Variants in MYO7B observed in about 807,000 individuals in gnomAD.
MYO7B encodes the protein unconventional myosin-VIIb.
Under a neutral mutation model 259.7 loss-of-function variants are expected in MYO7B, and 212 were observed. The ratio of observed to expected loss-of-function variants is 0.82; its 90% CI spans 0.73 to 0.91. The LOEUF (loss-of-function observed/expected upper bound fraction) is 0.91, where lower values mean the gene tolerates loss of function less well. MYO7B is among the 40% of genes least tolerant of loss of function. The pLI, the probability that MYO7B is intolerant of heterozygous loss-of-function variation, is 0.00. For synonymous variants in MYO7B, 1,197 were observed against 1,166.4 expected (o/e 1.03, Z -0.54); for missense variants, 2,732 against 2,813.5 (o/e 0.97, Z 0.66).
chr2:127,564,263 C>A lies in MYO7B; in HGVS notation c.129C>A (p.Gly43=), dbSNP rs1438788032. 1 of 1,566,412 alleles carries A rather than the reference C, an allele frequency of 6.4e-7. No individual in the cohort carries two copies. The highest frequency in any genetic ancestry group is 8.7e-7 in the Non-Finnish European group (1 of 1,155,246). ...PGKVLVEDDE[G]KEHWIRAEDF... is the part of the protein sequence containing the mutation. ...AAGTCTTGGTTGAAGATGACGAGGG[C>A]AAGGTCAGTGTTCTGGGGTTTCCTC... Residue 43 remains glycine, a synonymous_variant, in exon 3 of 48, where the codon GGC becomes GGA. Coordinates refer to ENST00000409816, the MANE Select transcript of MYO7B (RefSeq NM_001393586.1).
Position 127,577,581 on chromosome 2 carries a change from C to T in MYO7B, c.850-552C>T, listed in dbSNP as rs1352846178. Reference sequence around the variant, plus strand: ...CAGCCCTGTCCCTGCCTCCCCACCTCGTGGCCTTGCTCCCATCATCCTCTG... The same window carrying T: ...CAGCCCTGTCCCTGCCTCCCCACCTTGTGGCCTTGCTCCCATCATCCTCTG... On this transcript the variant is annotated intron_variant, in intron 8 of 47. Coordinates refer to ENST00000409816, the MANE Select transcript of MYO7B (RefSeq NM_001393586.1). The surrounding 1 kb of genome is among the most constrained non-coding windows in gnomAD (Gnocchi z 5.2). Among the ~76,000 whole-genome samples, 5 of 152,150 alleles carry T rather than the reference C, an allele frequency of 3.3e-5. No homozygotes were observed. The highest frequency in any genetic ancestry group is 9.7e-5 in the African/African-American group (4 of 41,428).
At chr2:127,557,334 G>C (rs1044464627) in intron 1 of MYO7B, among the ~76,000 whole-genome samples, 4 of 151,764 alleles carry the variant, frequency 2.6e-5, no homozygotes, top group Non-Finnish European at 5.9e-5. Context: ...TCTTAAATTG[G>C]ACTTTACGTT....
intron 19 of MYO7B, among the ~76,000 whole-genome samples, chr2:127,599,370 T>C (rs1030773636): frequency 5.9e-5 from 9 of 152,258 alleles, no homozygotes; most frequent in Non-Finnish European, 8.8e-5. Context: ...AGAAATATGT[T>C]GGATTTTTGT....
Position 127,620,421 on chromosome 2 carries a change from C to T in MYO7B, c.3480C>T (p.Leu1160=). 1 of 1,610,324 alleles carries T rather than the reference C, an allele frequency of 6.2e-7. No homozygotes were observed. Residue 1160 remains leucine, a synonymous_variant, in exon 27 of 48, where the codon CTC becomes CTT. Coordinates refer to ENST00000409816, the MANE Select transcript of MYO7B (RefSeq NM_001393586.1). ...GCCTGGCCCGGGGCTGGATCCTGCT[C>T]AGCCTCTGCCTCGGCTGCTTCCCAC... ...TSSLARGWIL[L]SLCLGCFPPS...
Position 127,571,442 on chromosome 2 carries a change from G to GTTTTTTTTTTTTTTT in MYO7B, c.592+1535_592+1549dup. ...AATTGGTCTATTTCCTTACCAGTGA[G>GTTTTTTTTTTTTTTT]TTTTTTTTTTTTTTTTTGCTTGTTT... On this transcript the variant is annotated intron_variant, in intron 6 of 47. Coordinates refer to ENST00000409816, the MANE Select transcript of MYO7B (RefSeq NM_001393586.1). Among the ~76,000 whole-genome samples the GTTTTTTTTTTTTTTT allele has an allele frequency of 1.4e-3, 60 of 41,910 alleles. 3 individuals carry two copies. The highest frequency in any genetic ancestry group is 9.0e-3 in the East Asian group (6 of 666). 27.5% of individuals were successfully genotyped at this position (41,910 alleles called of 152,430 possible).
chr2:127,592,959 C>T lies in MYO7B; in HGVS notation c.2145+13C>T, dbSNP rs375975547. ...CATGCGGATGCAGGTCAGCGCCCCTCGGGGACGGTCACCTCTGGCCATCCG... is the reference window on the plus strand; with the variant it reads ...CATGCGGATGCAGGTCAGCGCCCCTTGGGGACGGTCACCTCTGGCCATCCG... On this transcript the variant is annotated intron_variant, in intron 17 of 47. Transcript: ENST00000409816. 3 of 1,574,130 alleles carry T rather than the reference C, an allele frequency of 1.9e-6. No homozygotes were observed. Among genetic ancestry groups the T allele is most frequent in the East Asian group, 2.4e-5 (1 of 42,278 alleles).
chr2:127,623,633 C>T (rs914241461), intron 29 of MYO7B, among the ~76,000 whole-genome samples: 3 of 152,196 alleles, frequency 2.0e-5, no homozygotes, highest in African/African-American at 7.2e-5. Flanking sequence ...CACCTGGTCC[C>T]CCACCCAGCA....
Position 127,635,712 on chromosome 2 carries a change from C to T in MYO7B, c.5821-10C>T. 6.3e-7 allele frequency: 1 copy of T among 1,595,320 alleles called. No individual in the cohort carries two copies. The stretch of plus-strand genomic sequence containing the variant: ...GGAGACCCAGCATGCCCAGTGTGTC[C>T]ATCACCCAGGAGCTGCCCAAGTACC... On this transcript the variant is annotated splice_polypyrimidine_tract_variant and intron_variant, in intron 43 of 47. Coordinates refer to ENST00000409816, the MANE Select transcript of MYO7B (RefSeq NM_001393586.1).
Position 127,607,726 on chromosome 2 carries a change from C to T in MYO7B, c.2643+302C>T, listed in dbSNP as rs999717168. ...AATGGCTCTGCAATGGCTGGGGAGC[C>T]GTGGCCACCACCCAGGAGCACGCAG... On this transcript the variant is annotated intron_variant, in intron 21 of 47. Coordinates refer to ENST00000409816, the MANE Select transcript of MYO7B (RefSeq NM_001393586.1). This position sits in a 1 kb window ranked among gnomAD's most constrained non-coding sequence, Gnocchi z 4.4. Among the ~76,000 whole-genome samples, 6 of 152,154 alleles carry T rather than the reference C, an allele frequency of 3.9e-5. No homozygotes were observed. The highest frequency in any genetic ancestry group is 4.1e-4 in the South Asian group (2 of 4,830).
chr2:127,628,200 C>A lies in MYO7B; in HGVS notation c.4461-172C>A. On this transcript the variant is annotated intron_variant, in intron 33 of 47. Transcript: ENST00000409816. The surrounding 1 kb of genome is among the most constrained non-coding windows in gnomAD (Gnocchi z 4.8). The stretch of plus-strand genomic sequence containing the variant: ...TCCGAGAGGTCCTGTGCTCCGCCGT[C>A]CTTCATTTGTCCAGACCCACAGTGG... The A allele has an allele frequency of 1.2e-6, 1 of 801,900 alleles. No homozygotes were observed. Among genetic ancestry groups the A allele is most frequent in the Non-Finnish European group, 2.1e-6 (1 of 477,810 alleles). The allele number at this position is 801,900 out of a possible 1,614,324, so 49.7% of individuals were successfully genotyped here.
In MYO7B at chr2:127,620,217, G is replaced by A. The variant is rs922120679; in HGVS notation, c.3399-123G>A. ...GGAGGAGGCTGGGCAGGGCCCCGGC[G>A]CTGGAGAGGTGCCCTGCATATGGGA... On this transcript the variant is annotated intron_variant, in intron 26 of 47. Transcript: ENST00000409816. 4.5e-5 allele frequency: 52 copies of A among 1,166,042 alleles called. No homozygotes were observed. The Middle Eastern group carries it at 9.6e-4, about 22-fold the overall frequency. The allele number at this position is 1,166,042 out of a possible 1,614,324, so 72.2% of individuals were successfully genotyped here.
chr2:127,609,608 T>A lies in MYO7B; in HGVS notation c.2917T>A (p.Phe973Ile). Residue 973 changes from phenylalanine to isoleucine, a missense_variant, in exon 23 of 48, where the codon TTC (phenylalanine) becomes ATC (isoleucine). Physicochemically the swap from Phe to Ile is conservative, Grantham distance 21 (BLOSUM62 0). Transcript: ENST00000409816. This position sits in a 1 kb window ranked among gnomAD's most constrained non-coding sequence, Gnocchi z 6.9. ...TGTGGATGGCCTGGCCGAGTACACC[T>A]TCCCCAAGTTTGCTGTGACTTACTT... ...EDVDGLAEYT[F>I]PKFAVTYFQK... is the part of the protein sequence containing the mutation. The A allele has an allele frequency of 6.2e-7, 1 of 1,614,014 alleles. No homozygotes were observed. Among genetic ancestry groups the A allele is most frequent in the East Asian group, 2.2e-5 (1 of 44,882 alleles).
chr2:127,588,290 C>T (rs1679380831), intron 14 of MYO7B, 102 bp from the exon 15 acceptor site: 5 of 1,347,548 alleles, frequency 3.7e-6, no homozygotes, highest in Non-Finnish European at 5.1e-6. Context: ...TAGGAGGGGG[C>T]TCCTCCACGC....
At chr2:127,562,265 G>A (rs1678119790) in intron 2 of MYO7B, among the ~76,000 whole-genome samples, 1 of 151,982 alleles carries the variant, frequency 6.6e-6, no homozygotes. Context: ...ATCTTCTATA[G>A]CGATCTTCTT....
intron 5 of MYO7B, 104 bp from the exon 6 acceptor site, chr2:127,569,685 T>C: frequency 7.0e-7 from 1 of 1,423,776 alleles, no homozygotes; most frequent in East Asian, 2.4e-5. Context: ...GCCATCCCTG[T>C]CAGACTGGCT....
At chr2:127,624,389 C>A in intron 30 of MYO7B, 69 bp downstream of exon 30, 2 of 1,422,132 alleles carry the variant, frequency 1.4e-6, no homozygotes, top group Non-Finnish European at 1.9e-6. Context: ...AGGAGGCACC[C>A]AACTGGCTTC....
intron 14 of MYO7B, among the ~76,000 whole-genome samples, chr2:127,587,364 C>G (rs1477593975): frequency 2.0e-5 from 3 of 152,138 alleles, no homozygotes; most frequent in African/African-American, 4.8e-5. Context: ...TAACAAACAC[C>G]ACAGACTGAG....
chr2:127,631,017 A>C, intron 36 of MYO7B, 109 bp downstream of exon 36: 1 of 1,381,904 alleles, frequency 7.2e-7, no homozygotes, highest in East Asian at 2.5e-5. Flanking sequence ...ACCCACTGAG[A>C]GCTGCAGAGA....
chr2:127,599,143 T>C (rs1267195959), intron 19 of MYO7B, among the ~76,000 whole-genome samples: 1 of 152,220 alleles, frequency 6.6e-6, no homozygotes, highest in Non-Finnish European at 1.5e-5. Flanking sequence ...TGTATAGCAA[T>C]TTGAGAATTA....
Sources: allele counts gnomAD v4.1 joint callset (sites outside exome capture counted in the v4.1 genomes callset), GRCh38; gene constraint gnomAD v4.1.1; non-coding constraint Gnocchi (gnomAD v3.1); transcripts MANE v1.5; gene names NCBI Gene and HGNC (gene_info 2026-07-23, HGNC 2026-07-21).